The following SERPIND1 variants were observed in gnomAD, a reference collection of about 807,000 sequenced individuals.
The protein encoded by SERPIND1 is serpin family D member 1, also known as heparin cofactor 2.
A neutral mutation model predicts 35.0 loss-of-function variants in SERPIND1; 34 were observed. The ratio of observed to expected loss-of-function variants is 0.97; its 90% CI spans 0.74 to 1.29. The LOEUF (loss-of-function observed/expected upper bound fraction) is 1.29, where lower values mean the gene tolerates loss of function less well. SERPIND1 is among the 50% of genes most tolerant of loss of function. SERPIND1 has a pLI of 0.00. For missense variants in SERPIND1, 633 were observed against 637.7 expected, an observed-to-expected ratio of 0.99 and a Z score of 0.08; for synonymous variants, 236 against 241.1, an observed-to-expected ratio of 0.98 and a Z score of 0.19.
At chr22:20,786,260 G>T in intron 4 of SERPIND1, 112 bp downstream of exon 4, 1 of 1,205,338 alleles carries the variant, frequency 8.3e-7, no homozygotes, top group Non-Finnish European at 1.2e-6. Context: ...AGCTTGGGGT[G>T]CTGAGTCTGC....
chr22:20,780,320 A>G, intron 2 of SERPIND1, 119 bp downstream of exon 2: 1 of 1,485,320 alleles, frequency 6.7e-7, no homozygotes. Flanking sequence ...ACTAGACACA[A>G]GATTGACTCT....
chr22:20,775,174 G>A (rs1933169031), intron 1 of SERPIND1, among the ~76,000 whole-genome samples: 1 of 151,268 alleles, frequency 6.6e-6, no homozygotes, highest in African/African-American at 2.4e-5. Flanking sequence ...TAGCAAGAAA[G>A]CACAATATGA....
At position 20,787,256 on chromosome 22, in the gene SERPIND1, C is replaced by T; in HGVS notation, c.*190C>T. The T allele has an allele frequency of 1.6e-6, 1 of 632,390 alleles. No individual in the cohort carries two copies. The highest frequency in any genetic ancestry group is 2.8e-6 in the Non-Finnish European group (1 of 354,766). 39.2% of individuals were successfully genotyped at this position (632,390 alleles called of 1,614,324 possible). A position where few individuals can be genotyped will look rare whatever the true frequency, so the allele number is the denominator to read the frequency against. On this transcript the variant is annotated 3_prime_UTR_variant, in exon 5 of 5. Coordinates refer to ENST00000215727, the MANE Select transcript of SERPIND1 (RefSeq NM_000185.4). ...TGTTGGAATCAATTCTGCACAATAG[C>T]CCATGCTGTAAGCTCATAGAAGTCA...
chr22:20,781,742 A>G (rs1332477751), intron 2 of SERPIND1, among the ~76,000 whole-genome samples: 1 of 152,258 alleles, frequency 6.6e-6, no homozygotes, highest in Non-Finnish European at 1.5e-5. Flanking sequence ...TGATGAACAC[A>G]CATATCCTTT....
In SERPIND1 at chr22:20,785,358, G is replaced by A. The variant is rs376626063; in HGVS notation, c.1164-646G>A. Among the ~76,000 whole-genome samples the A allele has an allele frequency of 2.3e-4, 35 of 152,306 alleles. No homozygotes were observed. In the South Asian group the frequency reaches 5.4e-3, roughly 23 times the overall value. On this transcript the variant is annotated intron_variant, in intron 3 of 4. Transcript: ENST00000215727. ...GTGCTGGGATTAACAGGCGTGAGCC[G>A]CTGTGCCTGGCCCATTTGACTTTTA...
chr22:20,780,288 T>C, intron 2 of SERPIND1, 87 bp downstream of exon 2: 1 of 1,582,850 alleles, frequency 6.3e-7, no homozygotes, highest in Non-Finnish European at 8.7e-7. Context: ...AACTGTACTG[T>C]AGCTATAATT....
intron 1 of SERPIND1, among the ~76,000 whole-genome samples, chr22:20,776,322 G>A (rs747009987): frequency 6.6e-5 from 10 of 152,106 alleles, no homozygotes; most frequent in South Asian, 6.2e-4. Context: ...AGACCCCGCC[G>A]TCTCAAAATA....
At chr22:20,784,663 C>T (rs545552165) in intron 3 of SERPIND1, among the ~76,000 whole-genome samples, 1 of 152,332 alleles carries the variant, frequency 6.6e-6, no homozygotes, top group African/African-American at 2.4e-5. Context: ...ATTGGCTCAA[C>T]TCTTCCCTGC....
At chr22:20,778,765 T>TA (rs1933507934) in intron 1 of SERPIND1, among the ~76,000 whole-genome samples, 2 of 152,126 alleles carry the variant, frequency 1.3e-5, no homozygotes, top group Non-Finnish European at 2.9e-5. Context: ...GCCCAGCTCT[T>TA]AGTGAGGTTT....
At chr22:20,782,589 A>T (rs1933881695) in intron 2 of SERPIND1, among the ~76,000 whole-genome samples, 2 of 152,246 alleles carry the variant, frequency 1.3e-5, no homozygotes, top group African/African-American at 4.8e-5. Context: ...AGTCAGAAGG[A>T]AAGAATCCCA....
chr22:20,780,358 A>C (rs185575799), intron 2 of SERPIND1, among the ~76,000 whole-genome samples, 157 bp downstream of exon 2: 2 of 152,362 alleles, frequency 1.3e-5, no homozygotes, highest in South Asian at 4.1e-4. Flanking sequence ...GGCCAAGCTG[A>C]AGTGACAGTA....
chr22:20,787,356 G>A lies in SERPIND1; in HGVS notation c.*290G>A, dbSNP rs746153493. ...TCTTCACAGCAAACCTGAGCAGCGC[G>A]TCCTAAGCACCTCCCGCTCCGGTGA... On this transcript the variant is annotated 3_prime_UTR_variant, in exon 5 of 5. Transcript: ENST00000215727. 1.8e-4 allele frequency: 82 copies of A among 446,694 alleles called. No individual in the cohort carries two copies. The highest frequency in any genetic ancestry group is 3.0e-4 in the Non-Finnish European group (71 of 240,472). 27.7% of individuals were successfully genotyped at this position (446,694 alleles called of 1,614,324 possible).
rs1364974980 is a variant in SERPIND1 at position 20,779,837 on chromosome 22, AC to A, written c.526del (p.Gln176LysfsTer30). ...TAGGTCTGAAGGGAGAGACCCATGA[AC>A]AAGTGCACTCGATTTTGCATTTTAA... ...SLGLKGETHE[Q>X]VHSILHFKDF... On this transcript the variant is annotated frameshift_variant, in exon 2 of 5. Coordinates refer to ENST00000215727, the MANE Select transcript of SERPIND1 (RefSeq NM_000185.4). LOFTEE classifies it high-confidence loss of function. The A allele has an allele frequency of 6.2e-7, 1 of 1,614,246 alleles. No homozygotes were observed. Among genetic ancestry groups the A allele is most frequent in the South Asian group, 1.1e-5 (1 of 91,086 alleles).
At position 20,780,175 on chromosome 22, in the gene SERPIND1, T is replaced by G. The variant is rs752022208; in HGVS notation, c.863T>G (p.Met288Arg). 6.2e-7 allele frequency: 1 copy of G among 1,614,136 alleles called. No individual in the cohort carries two copies. Among genetic ancestry groups the G allele is most frequent in the Non-Finnish European group, 8.5e-7 (1 of 1,180,060 alleles). ...AATATAGACCCTGCTACCCAGATGATGATTCTCAACTGCATCTACTTCAAA... is the reference window on the plus strand; with the variant it reads ...AATATAGACCCTGCTACCCAGATGAGGATTCTCAACTGCATCTACTTCAAA... The part of the protein sequence containing the change: ...LENIDPATQM[M>R]ILNCIYFKGS... The change falls in exon 2 of 5, where the codon ATG becomes AGG. Residue 288 changes from methionine (M) to arginine (R), a missense_variant. Coordinates refer to ENST00000215727, the MANE Select transcript of SERPIND1 (RefSeq NM_000185.4).
In SERPIND1 at chr22:20,780,160, C is replaced by T; in HGVS notation, c.848C>T (p.Pro283Leu). Reference protein sequence around the residue: ...LIKDALENIDPATQMMILNCI... With the variant: ...LIKDALENIDLATQMMILNCI... ...AAAGATGCTCTGGAGAATATAGACC[C>T]TGCTACCCAGATGATGATTCTCAAC... Residue 283 changes from proline (P) to leucine (L), a missense_variant, in exon 2 of 5, where the codon CCT becomes CTT. Coordinates refer to ENST00000215727, the MANE Select transcript of SERPIND1 (RefSeq NM_000185.4). 1 of 1,614,214 alleles carries T rather than the reference C, an allele frequency of 6.2e-7. No individual in the cohort carries two copies. Among genetic ancestry groups the T allele is most frequent in the Non-Finnish European group, 8.5e-7 (1 of 1,180,030 alleles).
At chr22:20,775,543 C>T (rs776930829) in intron 1 of SERPIND1, among the ~76,000 whole-genome samples, 14 of 152,198 alleles carry the variant, frequency 9.2e-5, no homozygotes, top group Non-Finnish European at 2.1e-4. Flanking sequence ...TCTATCTGGC[C>T]TCAGATACGT....
chr22:20,784,268 T>C, intron 3 of SERPIND1, 23 bp downstream of exon 3: 1 of 1,613,992 alleles, frequency 6.2e-7, no homozygotes, highest in South Asian at 1.1e-5. Context: ...GTGTGTTTGT[T>C]CTTTTGAGCT....
intron 1 of SERPIND1, 48 bp from the exon 2 acceptor site, chr22:20,779,249 T>C: frequency 6.2e-7 from 1 of 1,609,914 alleles, no homozygotes; most frequent in South Asian, 1.1e-5. Flanking sequence ...TGCAGCGGGG[T>C]GTGGATCAGC....
intron 4 of SERPIND1, among the ~76,000 whole-genome samples, chr22:20,786,577 C>T (rs540904213): frequency 2.9e-4 from 44 of 152,322 alleles, no homozygotes; most frequent in African/African-American, 1.0e-3. Context: ...TTCCCCATCC[C>T]GGAGAAGTGC....
Sources: gnomAD v4.1 joint callset for allele counts (sites outside exome capture counted in the v4.1 genomes callset) on GRCh38, gnomAD v4.1.1 for gene constraint, MANE v1.5 for transcripts, NCBI Gene and HGNC (gene_info 2026-07-23, HGNC 2026-07-21) for gene names.